ALK: variants seen among roughly 807,000 people sequenced by gnomAD.
ALK encodes the protein ALK receptor tyrosine kinase.
A neutral mutation model predicts 163.1 loss-of-function variants in ALK; 74 were observed. The ratio of observed to expected loss-of-function variants is 0.45; its 90% CI spans 0.38 to 0.55. ALK has a LOEUF of 0.55. ALK is among the 20% of genes least tolerant of loss of function. The pLI is 0.00. For missense variants in ALK, 2,063 were observed against 2,105.3 expected (o/e 0.98, Z 0.39); for synonymous variants, 960 against 843.2 (o/e 1.14, Z -2.40).
chr2:29,830,712 T>TAAAAAAAAAAAA lies in ALK; in HGVS notation c.667+89280_667+89281insTTTTTTTTTTTT, dbSNP rs1665344950. Among the ~76,000 whole-genome samples the TAAAAAAAAAAAA allele has an allele frequency of 1.3e-4, 8 of 63,520 alleles. 1 individual carries two copies. The highest frequency in any genetic ancestry group is 5.0e-4 in the African/African-American group (8 of 16,064). 41.7% of individuals were successfully genotyped at this position (63,520 alleles called of 152,430 possible). ...AGCAAGACCCTGTCTCTAAAATAGT[T>TAAAAAAAAAAAA]TAAAAAAAAAAAAAAAAAAAAAAAA... On this transcript the variant is annotated intron_variant, in intron 1 of 28. Transcript: ENST00000389048.
intron 4 of ALK, among the ~76,000 whole-genome samples, chr2:29,400,975 CAA>C (rs144493937): frequency 3.7e-5 from 5 of 133,814 alleles, no homozygotes; most frequent in South Asian, 2.4e-4. Flanking sequence ...GACTCTGTCT[CAA>C]AAAAAAAAAA....
At chr2:29,564,557 G>T (rs1274576593) in intron 3 of ALK, among the ~76,000 whole-genome samples, 1 of 152,102 alleles carries the variant, frequency 6.6e-6, no homozygotes, top group East Asian at 1.9e-4. Flanking sequence ...CTGAGGAGCT[G>T]CCTCACACTG....
intron 3 of ALK, among the ~76,000 whole-genome samples, chr2:29,623,132 G>C (rs1331792982): frequency 6.6e-6 from 1 of 152,198 alleles, no homozygotes; most frequent in African/African-American, 2.4e-5. Flanking sequence ...ATTGATTCAA[G>C]GTTCTTGGAA....
chr2:29,916,875 G>A (rs568130900), intron 1 of ALK, among the ~76,000 whole-genome samples: 5 of 152,272 alleles, frequency 3.3e-5, no homozygotes, highest in African/African-American at 1.2e-4. Context: ...GGGCTGTCCT[G>A]GGAGAGGCCA....
chr2:29,621,279 G>A (rs560761548), intron 3 of ALK, among the ~76,000 whole-genome samples: 4 of 152,162 alleles, frequency 2.6e-5, no homozygotes, highest in East Asian at 1.9e-4. Context: ...ATTGTTCATC[G>A]CTTTTTTTGT....
intron 1 of ALK, among the ~76,000 whole-genome samples, chr2:29,822,547 G>C (rs1252785348): frequency 6.6e-6 from 1 of 152,224 alleles, no homozygotes; most frequent in Non-Finnish European, 1.5e-5. Flanking sequence ...AGTGGCTAAT[G>C]CCCATCCCTG....
chr2:29,493,360 C>A (rs1671948569), intron 4 of ALK, among the ~76,000 whole-genome samples: 1 of 152,210 alleles, frequency 6.6e-6, no homozygotes, highest in Non-Finnish European at 1.5e-5. Flanking sequence ...CTCTGCTCCA[C>A]AACTCAGCCA....
At chr2:29,648,790 T>C (rs770667182) in intron 3 of ALK, among the ~76,000 whole-genome samples, 16 of 152,312 alleles carry the variant, frequency 1.1e-4, no homozygotes, top group Non-Finnish European at 2.2e-4. Context: ...CTATTCTTTG[T>C]TTTATTCTCT....
chr2:29,773,357 CAG>C (rs908426208), intron 1 of ALK, among the ~76,000 whole-genome samples: 29 of 152,182 alleles, frequency 1.9e-4, no homozygotes, highest in African/African-American at 6.7e-4. Flanking sequence ...TATGTAGAAA[CAG>C]AGAATTGGCC....
intron 3 of ALK, among the ~76,000 whole-genome samples, chr2:29,545,917 C>A (rs956267959): frequency 2.0e-5 from 3 of 152,082 alleles, no homozygotes; most frequent in Admixed American, 2.0e-4. Flanking sequence ...CAATTAGGAG[C>A]CTCTGCAAAC....
At chr2:29,295,727 C>T (rs1363760833) in intron 9 of ALK, among the ~76,000 whole-genome samples, 1 of 152,194 alleles carries the variant, frequency 6.6e-6, no homozygotes, top group Non-Finnish European at 1.5e-5. Context: ...ACTAGCATCA[C>T]CCTCCACCTT....
At chr2:29,884,909 T>C (rs1033772180) in intron 1 of ALK, among the ~76,000 whole-genome samples, 1 of 152,154 alleles carries the variant, frequency 6.6e-6, no homozygotes, top group Non-Finnish European at 1.5e-5. Context: ...AAAGCACATT[T>C]ATGAGTAACG....
intron 5 of ALK, among the ~76,000 whole-genome samples, chr2:29,346,532 G>A (rs376500650): frequency 6.6e-6 from 1 of 152,210 alleles, no homozygotes; most frequent in Non-Finnish European, 1.5e-5. Context: ...CTGGGGCGAG[G>A]TTTCTGAATC....
chr2:29,752,436 G>A (rs1041428275), intron 1 of ALK, among the ~76,000 whole-genome samples: 8 of 143,604 alleles, frequency 5.6e-5, no homozygotes, highest in African/African-American at 1.3e-4. Context: ...TGCAAGCTCC[G>A]CCTCCCGGGT....
intron 2 of ALK, among the ~76,000 whole-genome samples, chr2:29,710,585 G>A (rs751032872): frequency 6.6e-5 from 10 of 150,866 alleles, no homozygotes; most frequent in Non-Finnish European, 1.2e-4. Context: ...TCACACTCTC[G>A]CCTCACTGCA....
intron 4 of ALK, among the ~76,000 whole-genome samples, chr2:29,499,195 C>T (rs560722408): frequency 5.3e-5 from 8 of 152,164 alleles, no homozygotes; most frequent in African/African-American, 1.9e-4. Context: ...GAGGGTCCTT[C>T]TCCAGGGTCT....
intron 9 of ALK, among the ~76,000 whole-genome samples, chr2:29,287,811 G>GAA (rs1665899958): frequency 6.6e-6 from 1 of 151,778 alleles, no homozygotes. Flanking sequence ...TTCAGGGAAG[G>GAA]AAAAGGGTGG....
chr2:29,217,095 CTA>C (rs559032675), intron 23 of ALK, among the ~76,000 whole-genome samples: 58 of 112,604 alleles, frequency 5.2e-4, no homozygotes, highest in Admixed American at 1.6e-3. Flanking sequence ...TGGTATATGT[CTA>C]TGTGGTGTGT....
Position 29,214,069 on chromosome 2 carries a change from A to AG in ALK, c.3657dup (p.Ser1220LeufsTer65). Reference sequence around the variant, plus strand: ...TGCAGAAGGTCCAGCATGGCCAGGGAGGAGGGCTGGCTCTGTGGGGAGACA... The same window carrying AG: ...TGCAGAAGGTCCAGCATGGCCAGGGAGGGAGGGCTGGCTCTGTGGGGAGACA... On this transcript the variant is annotated frameshift_variant, in exon 24 of 29. Transcript: ENST00000389048. LOFTEE classifies it high-confidence loss of function. 6.2e-7 allele frequency: 1 copy of AG among 1,613,958 alleles called. No homozygotes were observed. Among genetic ancestry groups the AG allele is most frequent in the Non-Finnish European group, 8.5e-7 (1 of 1,179,904 alleles).
Sources: gnomAD v4.1 joint callset for allele counts (sites outside exome capture counted in the v4.1 genomes callset) on GRCh38, gnomAD v4.1.1 for gene constraint, MANE v1.5 for transcripts, NCBI Gene and HGNC (gene_info 2026-07-23, HGNC 2026-07-21) for gene names.